HIPK2: variants seen among roughly 807,000 people sequenced by gnomAD.
The protein encoded by HIPK2 is homeodomain-interacting protein kinase 2.
HIPK2 carries 27 observed loss-of-function variants against 113.7 expected under a neutral mutation model. That is an observed-to-expected ratio of 0.24 (90% CI 0.17 to 0.33). The LOEUF (loss-of-function observed/expected upper bound fraction) is 0.33, where lower values mean the gene tolerates loss of function less well. Among genes scored for constraint, HIPK2 ranks in the 10% least tolerant of loss-of-function variants. HIPK2 has a pLI of 1.00. For missense variants in HIPK2, 1,257 were observed against 1,588.0 expected (o/e 0.79, Z 3.54); for synonymous variants, 631 against 642.2 (o/e 0.98, Z 0.26).
At chr7:139,697,634 T>C (rs1261235465) in intron 2 of HIPK2, among the ~76,000 whole-genome samples, 1 of 152,140 alleles carries the variant, frequency 6.6e-6, no homozygotes, top group Non-Finnish European at 1.5e-5. Context: ...TTCCCTTTTC[T>C]GTTTAAAAAA....
intron 7 of HIPK2, 115 bp downstream of exon 7, chr7:139,620,286 G>A: frequency 7.1e-7 from 1 of 1,408,804 alleles, no homozygotes; most frequent in Non-Finnish European, 9.6e-7. Context: ...ACTTTGTTTA[G>A]TTGTTGAACA....
intron 2 of HIPK2, among the ~76,000 whole-genome samples, chr7:139,656,083 C>T (rs1003250255): frequency 6.6e-6 from 1 of 152,100 alleles, no homozygotes; most frequent in Non-Finnish European, 1.5e-5. Flanking sequence ...GCTCATTTCT[C>T]CCATCATTCT....
At chr7:139,586,271 G>A (rs1413262128) in intron 12 of HIPK2, among the ~76,000 whole-genome samples, 3 of 152,120 alleles carry the variant, frequency 2.0e-5, no homozygotes, top group South Asian at 2.1e-4. Flanking sequence ...TCCTCAAAAA[G>A]CTAAACACAG....
At chr7:139,600,749 G>A (rs901702588) in intron 10 of HIPK2, 153 bp from the exon 11 acceptor site, 2 of 337,256 alleles carry the variant, frequency 5.9e-6, no homozygotes, top group African/African-American at 4.5e-5. Flanking sequence ...GGCCATGTGT[G>A]CTCAACGGGT....
At chr7:139,691,248 G>A (rs961306808) in intron 2 of HIPK2, among the ~76,000 whole-genome samples, 1 of 152,086 alleles carries the variant, frequency 6.6e-6, no homozygotes, top group African/African-American at 2.4e-5. Flanking sequence ...CCATAGTTTC[G>A]ATTGTGCAAA....
intron 2 of HIPK2, among the ~76,000 whole-genome samples, chr7:139,647,390 C>T (rs572379017): frequency 6.6e-6 from 1 of 152,276 alleles, no homozygotes; most frequent in South Asian, 2.1e-4. Flanking sequence ...CAGATGTTTG[C>T]TGAACTGAGT....
chr7:139,718,212 A>T (rs931585393), intron 1 of HIPK2, among the ~76,000 whole-genome samples: 4 of 152,250 alleles, frequency 2.6e-5, no homozygotes, highest in Non-Finnish European at 5.9e-5. Context: ...TAACTCCTTA[A>T]AGGTTAAAAG....
chr7:139,596,815 C>T lies in HIPK2; in HGVS notation c.2619G>A (p.Gln873=). 1 of 1,613,972 alleles carries T rather than the reference C, an allele frequency of 6.2e-7. No individual in the cohort carries two copies. The highest frequency in any genetic ancestry group is 8.5e-7 in the Non-Finnish European group (1 of 1,179,884). Residue 873 remains glutamine (Q), a synonymous_variant, in exon 12 of 15, where the codon CAG becomes CAA. Coordinates refer to ENST00000406875, the MANE Select transcript of HIPK2 (RefSeq NM_022740.5). ...ASSTTRERQR[Q]TIVIPDTPSP... ...TGGGAGTGTCGGGAATGACAATTGT[C>T]TGCCGCTGCCGTTCCCGGGTGGTGC...
At chr7:139,705,123 G>T (rs577020010) in intron 2 of HIPK2, among the ~76,000 whole-genome samples, 8 of 152,318 alleles carry the variant, frequency 5.3e-5, no homozygotes, top group Admixed American at 4.6e-4. Flanking sequence ...AGATGAAAAA[G>T]AAATGATTGG....
At chr7:139,775,208 T>C (rs989687235) in intron 1 of HIPK2, among the ~76,000 whole-genome samples, 4 of 152,218 alleles carry the variant, frequency 2.6e-5, no homozygotes, top group African/African-American at 7.2e-5. Flanking sequence ...TCGTTTAGCA[T>C]GCACACAGGG....
chr7:139,761,969 G>A (rs773095457), intron 1 of HIPK2, among the ~76,000 whole-genome samples: 3 of 152,154 alleles, frequency 2.0e-5, no homozygotes, highest in East Asian at 1.9e-4. Flanking sequence ...GACTAACTGT[G>A]TGTATGTGGA....
At chr7:139,604,345 G>T in intron 9 of HIPK2, 122 bp from the exon 10 acceptor site, 1 of 1,400,772 alleles carries the variant, frequency 7.1e-7, no homozygotes. Flanking sequence ...GAGAGTGAGG[G>T]CCTGGTCTCT....
chr7:139,668,716 A>G (rs1423185247), intron 2 of HIPK2, among the ~76,000 whole-genome samples: 1 of 152,246 alleles, frequency 6.6e-6, no homozygotes, highest in African/African-American at 2.4e-5. Context: ...TAATGCCATT[A>G]ATTTTGTGAT....
At chr7:139,777,524 C>T (rs1796800080) in intron 1 of HIPK2, 81 bp downstream of exon 1, 3 of 589,842 alleles carry the variant, frequency 5.1e-6, no homozygotes, top group Non-Finnish European at 6.5e-6. Context: ...GGGCTGCGGG[C>T]GCGGGGCCGC....
intron 2 of HIPK2, among the ~76,000 whole-genome samples, chr7:139,658,599 A>C (rs948793317): frequency 5.9e-5 from 9 of 152,226 alleles, no homozygotes; most frequent in African/African-American, 2.2e-4. Flanking sequence ...AATACCAGAA[A>C]TTTGGACAGA....
chr7:139,572,837 G>T lies in HIPK2; in HGVS notation c.*90C>A. On this transcript the variant is annotated 3_prime_UTR_variant, in exon 15 of 15. Transcript: ENST00000406875. ...GGCATCTTCAGTATAAAAGGCCAGC[G>T]CCCACGGTCCCAGGAGCGCCTCCCT... 1.2e-6 allele frequency: 1 copy of T among 854,522 alleles called. No individual in the cohort carries two copies. The highest frequency in any genetic ancestry group is 1.8e-5 in the South Asian group (1 of 54,740). The allele number at this position is 854,522 out of a possible 1,614,324, so 52.9% of individuals were successfully genotyped here.
At chr7:139,676,339 C>T (rs1218685180) in intron 2 of HIPK2, among the ~76,000 whole-genome samples, 3 of 152,170 alleles carry the variant, frequency 2.0e-5, no homozygotes, top group African/African-American at 7.2e-5. Context: ...TGCCCTCCTG[C>T]GGGTGTCTGA....
At chr7:139,582,424 C>T (rs551999220) in intron 13 of HIPK2, among the ~76,000 whole-genome samples, 70 of 152,332 alleles carry the variant, frequency 4.6e-4, no homozygotes, top group African/African-American at 1.5e-3. Context: ...GTAGGCACCA[C>T]GACCCCCTGC....
rs1795231586 is a variant in HIPK2 at position 139,716,194 on chromosome 7, C to G, written c.841G>C (p.Glu281Gln). ...TTCAGAAAGTCATAGAGGTTCTGCT[C>G]CAACATCTCGAAGACCAAGCACGTG... ...NHTCLVFEML[E>Q]QNLYDFLKQN... Residue 281 changes from glutamate to glutamine, a missense_variant, in exon 2 of 15, where the codon GAG (glutamate) becomes CAG (glutamine). Coordinates refer to ENST00000406875, the MANE Select transcript of HIPK2 (RefSeq NM_022740.5). This position sits in a 1 kb window ranked among gnomAD's most constrained non-coding sequence, Gnocchi z 9.3. The G allele has an allele frequency of 6.2e-7, 1 of 1,614,004 alleles. No homozygotes were observed. Among genetic ancestry groups the G allele is most frequent in the Admixed American group, 1.7e-5 (1 of 60,014 alleles).
Sources: gnomAD v4.1 joint callset for allele counts (sites outside exome capture counted in the v4.1 genomes callset) on GRCh38, gnomAD v4.1.1 for gene constraint, Gnocchi (gnomAD v3.1) non-coding constraint, MANE v1.5 for transcripts, NCBI Gene and HGNC (gene_info 2026-07-23, HGNC 2026-07-21) for gene names.